The following FNTB variants were observed in gnomAD, a reference collection of about 807,000 sequenced individuals.
FNTB encodes protein farnesyltransferase subunit beta.
FNTB carries 27 observed loss-of-function variants against 59.4 expected under a neutral mutation model. The observed-to-expected ratio is 0.45, with a 90% confidence interval of 0.34 to 0.63. The LOEUF (loss-of-function observed/expected upper bound fraction) is 0.63, where lower values mean the gene tolerates loss of function less well. FNTB is among the 20% of genes least tolerant of loss of function. FNTB has a pLI of 0.02. For synonymous variants in FNTB, 230 were observed against 220.7 expected (o/e 1.04, Z -0.37); for missense variants, 449 against 559.6 (o/e 0.80, Z 1.99).
intron 4 of FNTB, among the ~76,000 whole-genome samples, chr14:65,017,214 C>T (rs1436554214): frequency 2.0e-5 from 3 of 152,160 alleles, no homozygotes; most frequent in Admixed American, 6.6e-5. Flanking sequence ...TGAGCCACCA[C>T]ATCCAGCCTC....
At chr14:65,052,022 C>T (rs1225554544) in intron 9 of FNTB, among the ~76,000 whole-genome samples, 2 of 152,064 alleles carry the variant, frequency 1.3e-5, no homozygotes, top group East Asian at 3.9e-4. Context: ...GTCTCGATCT[C>T]CTGACCTCGT....
chr14:65,024,792 A>T (rs1337596146), intron 4 of FNTB, among the ~76,000 whole-genome samples: 1 of 151,930 alleles, frequency 6.6e-6, no homozygotes, highest in Non-Finnish European at 1.5e-5. Context: ...AAAAAAAAAT[A>T]TTTTTTTGTA....
At chr14:65,051,897 C>T (rs2062622202) in intron 9 of FNTB, among the ~76,000 whole-genome samples, 2 of 151,536 alleles carry the variant, frequency 1.3e-5, no homozygotes, top group Non-Finnish European at 2.9e-5. Context: ...TGGGTTCACG[C>T]CATTCTCCTG....
intron 4 of FNTB, among the ~76,000 whole-genome samples, chr14:65,022,615 C>T (rs2139556321): frequency 6.6e-6 from 1 of 152,180 alleles, no homozygotes; most frequent in Middle Eastern, 3.4e-3. Context: ...GATCCTCCTG[C>T]CTTGGCCTCC....
intron 3 of FNTB, 46 bp from the exon 4 acceptor site, chr14:65,015,579 G>C (rs758595283): frequency 3.1e-6 from 5 of 1,606,946 alleles, no homozygotes; most frequent in Admixed American, 1.7e-5. Flanking sequence ...CAGTGTCTTG[G>C]AGTGATTGTG....
chr14:65,041,987 CTT>C (rs1423576353), intron 8 of FNTB, among the ~76,000 whole-genome samples: 2 of 152,156 alleles, frequency 1.3e-5, no homozygotes, highest in Non-Finnish European at 2.9e-5. Flanking sequence ...TGTCTAATCT[CTT>C]TTAGCTTGAT....
At chr14:65,008,073 A>T (rs1221818961) in intron 2 of FNTB, among the ~76,000 whole-genome samples, 2 of 152,180 alleles carry the variant, frequency 1.3e-5, no homozygotes, top group East Asian at 3.8e-4. Context: ...CAGGTAGAGG[A>T]TGTATTCCCT....
chr14:65,014,992 C>G lies in FNTB; in HGVS notation c.283-633C>G, dbSNP rs11624169. ...TACCGAGAAAATAGCAGCCCCTAAC[C>G]TCCTGGCCTGTAGGAAGTCCTCTGC... On this transcript the variant is annotated intron_variant, in intron 3 of 11. Coordinates refer to ENST00000246166, the MANE Select transcript of FNTB (RefSeq NM_002028.4). This position sits in a 1 kb window ranked among gnomAD's most constrained non-coding sequence, Gnocchi z 5.1. Among the ~76,000 whole-genome samples, 37,733 of 151,920 alleles carry G rather than the reference C, an allele frequency of 0.25. 4,872 individuals are homozygous for G. Among genetic ancestry groups the G allele is most frequent in the Non-Finnish European group, 0.3 (20,041 of 67,900 alleles).
chr14:65,025,574 G>A (rs1390649873), intron 4 of FNTB, among the ~76,000 whole-genome samples: 2 of 152,198 alleles, frequency 1.3e-5, no homozygotes, highest in Non-Finnish European at 2.9e-5. Context: ...CAGCACTTTG[G>A]GAGTCCGAGG....
intron 4 of FNTB, among the ~76,000 whole-genome samples, chr14:65,019,026 CAA>C (rs2061835125): frequency 6.6e-6 from 1 of 151,956 alleles, no homozygotes; most frequent in Non-Finnish European, 1.5e-5. Context: ...TTTTTTGAGA[CAA>C]GAGTCTCCTT....
chr14:65,026,589 G>A (rs543732208), intron 4 of FNTB, among the ~76,000 whole-genome samples: 1 of 152,334 alleles, frequency 6.6e-6, no homozygotes, highest in South Asian at 2.1e-4. Flanking sequence ...GCCGGATGCA[G>A]TGGCTCACAC....
chr14:65,002,771 G>A lies in FNTB; in HGVS notation c.145-1478G>A, dbSNP rs1007522963. Reference sequence around the variant, plus strand: ...AGGGTTTTGGAGTGGGCTGAAGTGCGGAGTGAGGAGTTTGTTGATTGATTG... The same window carrying A: ...AGGGTTTTGGAGTGGGCTGAAGTGCAGAGTGAGGAGTTTGTTGATTGATTG... On this transcript the variant is annotated intron_variant, in intron 1 of 11. Transcript: ENST00000246166. Among the ~76,000 whole-genome samples, 8 of 151,924 alleles carry A rather than the reference G, an allele frequency of 5.3e-5. No individual in the cohort carries two copies. In the East Asian group the frequency reaches 7.7e-4, roughly 15 times the overall value.
At chr14:65,037,017 T>C (rs1286932558) in intron 7 of FNTB, among the ~76,000 whole-genome samples, 2 of 152,174 alleles carry the variant, frequency 1.3e-5, no homozygotes, top group Non-Finnish European at 2.9e-5. Flanking sequence ...GGGCACTCGA[T>C]TTGGAAGTGC....
rs557067326 is a variant in FNTB at position 65,008,293 on chromosome 14, G to C, written c.209+3980G>C. Among the ~76,000 whole-genome samples, 248 of 152,292 alleles carry C rather than the reference G, an allele frequency of 1.6e-3. 1 individual carries two copies. The highest frequency in any genetic ancestry group is 5.5e-3 in the African/African-American group (228 of 41,550). The stretch of plus-strand genomic sequence containing the variant: ...TGTTTTCCAGGATGGCCCAGGTTTG[G>C]GGGGAGGAAGTGGCTTTGCTCTCAT... On this transcript the variant is annotated intron_variant, in intron 2 of 11. Transcript: ENST00000246166.
chr14:65,025,935 C>G (rs891700357), intron 4 of FNTB, among the ~76,000 whole-genome samples: 3 of 152,198 alleles, frequency 2.0e-5, no homozygotes, highest in South Asian at 2.1e-4. Flanking sequence ...TAACCTGTGA[C>G]GTTTCAGAAC....
rs1054688086 is a variant in FNTB, at chr14:65,009,019, C to G, written c.210-3298C>G. ...CACCCCCTCAAGTCCTGCACGAAACCTGTCTTATTCTGCTCCATGTAATTG... is the reference window on the plus strand; with the variant it reads ...CACCCCCTCAAGTCCTGCACGAAACGTGTCTTATTCTGCTCCATGTAATTG... On this transcript the variant is annotated intron_variant, in intron 2 of 11. Coordinates refer to ENST00000246166, the MANE Select transcript of FNTB (RefSeq NM_002028.4). The surrounding 1 kb of genome is among the most constrained non-coding windows in gnomAD (Gnocchi z 4.2). Among the ~76,000 whole-genome samples, 1 of 152,202 alleles carries G rather than the reference C, an allele frequency of 6.6e-6. No individual in the cohort carries two copies. Among genetic ancestry groups the G allele is most frequent in the Non-Finnish European group, 1.5e-5 (1 of 68,038 alleles).
chr14:64,996,161 C>CAAG (rs1357071497), intron 1 of FNTB, among the ~76,000 whole-genome samples: 1 of 151,026 alleles, frequency 6.6e-6, no homozygotes, highest in Non-Finnish European at 1.5e-5. Flanking sequence ...AAGAAACAAC[C>CAAG]AAGCCTGGGC....
chr14:65,027,656 G>T lies in FNTB; in HGVS notation c.522-42G>T, dbSNP rs370162681. On this transcript the variant is annotated intron_variant, in intron 5 of 11. Coordinates refer to ENST00000246166, the MANE Select transcript of FNTB (RefSeq NM_002028.4). The surrounding 1 kb of genome is among the most constrained non-coding windows in gnomAD (Gnocchi z 5.7). The stretch of plus-strand genomic sequence containing the variant: ...AGAGGAGTTCCCCGCCTGCTGACAC[G>T]CACTGACTGTTGCCTCTCCTACCTC... 1.2e-6 allele frequency: 2 copies of T among 1,614,074 alleles called. No individual in the cohort carries two copies. The highest frequency in any genetic ancestry group is 1.1e-5 in the South Asian group (1 of 91,066).
chr14:64,987,040 G>C lies in FNTB; in HGVS notation c.87G>C (p.Glu29Asp). The C allele has an allele frequency of 6.2e-7, 1 of 1,614,236 alleles. No homozygotes were observed. Among genetic ancestry groups the C allele is most frequent in the Non-Finnish European group, 8.5e-7 (1 of 1,180,050 alleles). ...AGCCGCTGTACAGTCTGAGGCCCGA[G>C]CACGCGCGAGAGCGGTTGCAGGACG... ...WSEPLYSLRP[E>D]HARERLQDDS... Residue 29 changes from glutamate to aspartate, a missense_variant, in exon 1 of 12, where the codon GAG becomes GAC. By Grantham distance (45) the Glu-to-Asp change is conservative (BLOSUM62 2). This residue lies in a region of FNTB where 112 missense variants were observed against 80.5 expected (regional missense o/e 1.39). Transcript: ENST00000246166.
Sources: gnomAD v4.1 joint callset for allele counts (sites outside exome capture counted in the v4.1 genomes callset) on GRCh38, gnomAD v4.1.1 for gene constraint, gnomAD v4.1.1 regional missense constraint, Gnocchi (gnomAD v3.1) non-coding constraint, MANE v1.5 for transcripts, NCBI Gene and HGNC (gene_info 2026-07-23, HGNC 2026-07-21) for gene names.